Variants in BOLL observed in about 807,000 individuals in gnomAD.
BOLL encodes the protein protein boule-like.
In BOLL, 23 loss-of-function variants were observed where a neutral mutation model predicts 44.4. The ratio of observed to expected loss-of-function variants is 0.52; its 90% CI spans 0.37 to 0.73. The LOEUF is 0.73. Ranked by LOEUF, BOLL falls within the 30% of genes least tolerant of loss-of-function variation. The pLI, the probability that BOLL is intolerant of heterozygous loss-of-function variation, is 0.00. For synonymous variants in BOLL, 97 were observed against 110.8 expected, an observed-to-expected ratio of 0.88 and a Z score of 0.78; for missense variants, 287 against 338.3, an observed-to-expected ratio of 0.85 and a Z score of 1.19.
At chr2:197,772,842 T>C (rs1689328945) in intron 5 of BOLL, among the ~76,000 whole-genome samples, 2 of 152,032 alleles carry the variant, frequency 1.3e-5, no homozygotes, top group Admixed American at 1.3e-4. Context: ...CCAGTGCTTC[T>C]CAAAATTTCC....
chr2:197,762,897 A>G (rs1457456172), intron 7 of BOLL, among the ~76,000 whole-genome samples: 1 of 152,204 alleles, frequency 6.6e-6, no homozygotes, highest in Non-Finnish European at 1.5e-5. Context: ...GAAATAAACA[A>G]TGTTGAGACT....
At position 197,728,457 on chromosome 2, in the gene BOLL, C is replaced by A; in HGVS notation, c.*98G>T. The A allele has an allele frequency of 1.3e-6, 2 of 1,578,896 alleles. No individual in the cohort carries two copies. Among genetic ancestry groups the A allele is most frequent in the East Asian group, 2.2e-5 (1 of 44,688 alleles). ...TATTAACTAACACTAAGTTTCACAA[C>A]GGGCAGCTTCTAGCTGGTTCGTTGA... On this transcript the variant is annotated 3_prime_UTR_variant, in exon 11 of 11. Coordinates refer to ENST00000392296, the MANE Select transcript of BOLL (RefSeq NM_033030.6).
chr2:197,737,754 G>A (rs1212110602), intron 10 of BOLL, among the ~76,000 whole-genome samples: 1 of 152,046 alleles, frequency 6.6e-6, no homozygotes, highest in Non-Finnish European at 1.5e-5. Flanking sequence ...GTAAGTGCAC[G>A]CTCTGGGCCT....
intron 8 of BOLL, among the ~76,000 whole-genome samples, 172 bp downstream of exon 8, chr2:197,757,181 T>C (rs1345141782): frequency 6.6e-6 from 1 of 152,140 alleles, no homozygotes; most frequent in Non-Finnish European, 1.5e-5. Flanking sequence ...AAAGGTATAG[T>C]ATCATTATAT....
intron 10 of BOLL, 118 bp downstream of exon 10, chr2:197,742,943 C>T (rs1223892548): frequency 8.6e-6 from 5 of 583,544 alleles, no homozygotes; most frequent in Non-Finnish European, 1.4e-5. Context: ...TAATTCTGTA[C>T]TTCTGATCAC....
At chr2:197,764,310 A>G (rs1256527126) in intron 7 of BOLL, among the ~76,000 whole-genome samples, 2 of 152,228 alleles carry the variant, frequency 1.3e-5, no homozygotes, top group South Asian at 2.1e-4. Flanking sequence ...ACAGATGAAT[A>G]AAGAAAATAT....
Position 197,766,519 on chromosome 2 carries a change from AATTT to A in BOLL, c.552+9_552+12del. On this transcript the variant is annotated intron_variant, in intron 7 of 10. Coordinates refer to ENST00000392296, the MANE Select transcript of BOLL (RefSeq NM_033030.6). Reference sequence around the variant, plus strand: ...AAGTTTCAGAGAGAATTTTAATTGTAATTTATGTTTACCTGGTAGTGATATGCAG... The same window carrying A: ...AAGTTTCAGAGAGAATTTTAATTGTAATGTTTACCTGGTAGTGATATGCAG... 2 of 1,591,550 alleles carry A rather than the reference AATTT, an allele frequency of 1.3e-6. No homozygotes were observed. The highest frequency in any genetic ancestry group is 1.7e-6 in the Non-Finnish European group (2 of 1,160,644).
chr2:197,742,208 T>G (rs866849482), intron 10 of BOLL, among the ~76,000 whole-genome samples: 1 of 152,214 alleles, frequency 6.6e-6, no homozygotes, highest in South Asian at 2.1e-4. Context: ...ACTTTTACAA[T>G]GTTGGTGGGA....
chr2:197,769,200 C>T (rs1293078933), intron 6 of BOLL, among the ~76,000 whole-genome samples: 2 of 152,076 alleles, frequency 1.3e-5, no homozygotes, highest in Non-Finnish European at 2.9e-5. Context: ...AGGATTCTCT[C>T]TTTATCTATT....
chr2:197,767,449 T>C lies in BOLL; in HGVS notation c.481-846A>G, dbSNP rs1225233152. On this transcript the variant is annotated intron_variant, in intron 6 of 10. Coordinates refer to ENST00000392296, the MANE Select transcript of BOLL (RefSeq NM_033030.6). ...ACTGATTAACATTAGAAAATAATAA[T>C]GTAATTTCCCATATTAATAGATTAA... Among the ~76,000 whole-genome samples the C allele has an allele frequency of 2.6e-5, 4 of 152,020 alleles. No homozygotes were observed. The East Asian group carries it at 5.8e-4, about 22-fold the overall frequency.
chr2:197,770,849 C>T (rs1299760451), intron 6 of BOLL, among the ~76,000 whole-genome samples: 2 of 152,108 alleles, frequency 1.3e-5, no homozygotes, highest in Non-Finnish European at 2.9e-5. Context: ...CAGGAAACAA[C>T]AGGTGCTGGA....
chr2:197,748,674 T>C (rs985061927), intron 9 of BOLL, among the ~76,000 whole-genome samples: 1 of 152,246 alleles, frequency 6.6e-6, no homozygotes, highest in Non-Finnish European at 1.5e-5. Flanking sequence ...GTAGCCAGAC[T>C]GCCTTTCTAG....
At chr2:197,743,976 A>AT (rs558650548) in intron 9 of BOLL, among the ~76,000 whole-genome samples, 77 of 152,050 alleles carry the variant, frequency 5.1e-4, no homozygotes, top group Non-Finnish European at 8.5e-4. Flanking sequence ...CACCCGGCTA[A>AT]TTTTTTGTAT....
In BOLL at chr2:197,743,088, C is replaced by G; in HGVS notation, c.801G>C (p.Ala267=). ...VYAPSAITMP[A]PVMQPEPIKT... is the part of the protein sequence containing the mutation. ...TAATTGGCTCAGGCTGCATCACAGG[C>G]GCAGGCATAGTGATGGCACTTGGAG... The change falls in exon 10 of 11, where the codon GCG becomes GCC. Residue 267 remains alanine, a synonymous_variant. Transcript: ENST00000392296. 1 of 1,603,348 alleles carries G rather than the reference C, an allele frequency of 6.2e-7. No homozygotes were observed. Among genetic ancestry groups the G allele is most frequent in the East Asian group, 2.3e-5 (1 of 44,346 alleles).
At chr2:197,728,614 T>C (rs759573429) in intron 10 of BOLL, 36 bp from the exon 11 acceptor site, 3 of 1,437,060 alleles carry the variant, frequency 2.1e-6, no homozygotes, top group Non-Finnish European at 2.9e-6. Flanking sequence ...TCAGGAAGAC[T>C]GAATGGAAAA....
intron 6 of BOLL, 98 bp from the exon 7 acceptor site, chr2:197,766,701 G>A: frequency 1.2e-6 from 1 of 810,510 alleles, no homozygotes; most frequent in Non-Finnish European, 2.0e-6. Flanking sequence ...GTAAACTTCT[G>A]GTTTATGATT....
chr2:197,776,550 T>C (rs1203154894), intron 4 of BOLL, among the ~76,000 whole-genome samples: 1 of 151,978 alleles, frequency 6.6e-6, no homozygotes, highest in Non-Finnish European at 1.5e-5. Context: ...AGAACATAAC[T>C]GCCACAAATA....
chr2:197,763,160 A>G (rs1298747279), intron 7 of BOLL, among the ~76,000 whole-genome samples: 1 of 152,212 alleles, frequency 6.6e-6, no homozygotes, highest in Non-Finnish European at 1.5e-5. Flanking sequence ...ATCTGCCAAG[A>G]CTAAACCAAG....
intron 9 of BOLL, among the ~76,000 whole-genome samples, chr2:197,746,438 C>A (rs149489236): frequency 6.6e-6 from 1 of 152,216 alleles, no homozygotes; most frequent in African/African-American, 2.4e-5. Flanking sequence ...AATGTAGTAT[C>A]CATATACACA....
Sources: allele counts gnomAD v4.1 joint callset (sites outside exome capture counted in the v4.1 genomes callset), GRCh38; gene constraint gnomAD v4.1.1; transcripts MANE v1.5; gene names NCBI Gene and HGNC (gene_info 2026-07-23, HGNC 2026-07-21).